RANBP2: variants seen among roughly 807,000 people sequenced by gnomAD.
The protein encoded by RANBP2 is E3 SUMO-protein ligase RanBP2.
A neutral mutation model predicts 303.6 loss-of-function variants in RANBP2; 57 were observed. That is an observed-to-expected ratio of 0.19 (90% CI 0.15 to 0.23). RANBP2 has a LOEUF of 0.23. RANBP2 is among the 10% of genes least tolerant of loss of function. RANBP2 has a pLI of 1.00. For missense variants in RANBP2, 3,138 were observed against 3,780.8 expected, an observed-to-expected ratio of 0.83 and a Z score of 4.46; for synonymous variants, 1,167 against 1,301.5, an observed-to-expected ratio of 0.90 and a Z score of 2.23.
the RANBP2 span, chr2:109,614,479 C>G: frequency 1.5e-4 from 178 of 1,224,740 alleles, no homozygotes; most frequent in Non-Finnish European, 1.1e-4. Context: ...GGGGGAGCAG[C>G]GCGGTCGAGG....
the RANBP2 span, chr2:109,615,513 T>C: frequency 6.2e-7 from 1 of 1,613,696 alleles, no homozygotes; most frequent in Non-Finnish European, 8.5e-7. Flanking sequence ...GAGCGGGGGT[T>C]ACACCGCCCT....
At chr2:109,036,133 T>A in the RANBP2 span, among the ~76,000 whole-genome samples, 1 of 152,210 alleles carries the variant, frequency 6.6e-6, no homozygotes, top group African/African-American at 2.4e-5. Flanking sequence ...AATGTGCTAA[T>A]GTCAAGAAAG....
chr2:109,141,807 G>A, the RANBP2 span, among the ~76,000 whole-genome samples: 1 of 152,052 alleles, frequency 6.6e-6, no homozygotes, highest in African/African-American at 2.4e-5. Flanking sequence ...TCAGGGTGAC[G>A]GTTGTGTCCA....
At chr2:109,424,934 G>A in the RANBP2 span, among the ~76,000 whole-genome samples, 1 of 152,216 alleles carries the variant, frequency 6.6e-6, no homozygotes, top group African/African-American at 2.4e-5. Flanking sequence ...AGGAAGTCAT[G>A]TCAAAAGCTG....
At chr2:109,345,502 CT>C in the RANBP2 span, among the ~76,000 whole-genome samples, 1 of 152,108 alleles carries the variant, frequency 6.6e-6, no homozygotes, top group African/African-American at 2.4e-5. Flanking sequence ...AAGCCTCACC[CT>C]TGTGGTTTGG....
At chr2:109,723,289 C>G in the RANBP2 span, among the ~76,000 whole-genome samples, 1 of 152,126 alleles carries the variant, frequency 6.6e-6, no homozygotes, top group Non-Finnish European at 1.5e-5. Context: ...GTGGCTGGGA[C>G]TACAGGTGTG....
chr2:109,659,757 G>C, the RANBP2 span, among the ~76,000 whole-genome samples: 8 of 152,246 alleles, frequency 5.3e-5, no homozygotes, highest in African/African-American at 1.9e-4. Context: ...CCCTGAATGA[G>C]AGTGCTGTCT....
the RANBP2 span, among the ~76,000 whole-genome samples, chr2:109,434,762 C>T: frequency 6.6e-6 from 1 of 152,242 alleles, no homozygotes; most frequent in Non-Finnish European, 1.5e-5. Context: ...CCTCACAGGC[C>T]AGTCCCTGGG....
chr2:109,435,774 T>A, the RANBP2 span, among the ~76,000 whole-genome samples: 2 of 152,346 alleles, frequency 1.3e-5, no homozygotes, highest in East Asian at 3.9e-4. Flanking sequence ...ATTTAGTTTT[T>A]AAAAATGATT....
At chr2:108,737,715 ATTT>A (rs34504601) in intron 6 of RANBP2, among the ~76,000 whole-genome samples, 1 of 129,172 alleles carries the variant, frequency 7.7e-6, no homozygotes, top group Non-Finnish European at 1.7e-5. Context: ...CACCTGGCTA[ATTT>A]TTTTTTTTTT....
At chr2:108,938,202 A>C in the RANBP2 span, among the ~76,000 whole-genome samples, 3 of 152,200 alleles carry the variant, frequency 2.0e-5, no homozygotes, top group African/African-American at 7.2e-5. Context: ...TATTTGACTC[A>C]ACTTTTTCCG....
the RANBP2 span, chr2:109,732,643 AT>A: frequency 6.6e-5 from 33 of 501,962 alleles, no homozygotes; most frequent in South Asian, 4.9e-4. Context: ...CACCTGGCTA[AT>A]TTTTATTAGA....
At chr2:109,204,662 G>T in the RANBP2 span, among the ~76,000 whole-genome samples, 11 of 152,312 alleles carry the variant, frequency 7.2e-5, 1 homozygote, top group South Asian at 2.1e-3. Flanking sequence ...GGGACCTGCT[G>T]GCAGGCAGGA....
intron 7 of RANBP2, among the ~76,000 whole-genome samples, chr2:108,746,391 T>TA (rs1696525208): frequency 6.6e-6 from 1 of 150,860 alleles, no homozygotes; most frequent in Non-Finnish European, 1.5e-5. Context: ...TTGTTTTTTT[T>TA]TTATTATTTT....
At chr2:109,297,524 T>G in the RANBP2 span, among the ~76,000 whole-genome samples, 2 of 150,196 alleles carry the variant, frequency 1.3e-5, no homozygotes, top group Non-Finnish European at 3.0e-5. Context: ...AGTCAGTGCC[T>G]CCCACCCAGG....
chr2:109,035,512 A>G, the RANBP2 span, among the ~76,000 whole-genome samples: 1 of 137,666 alleles, frequency 7.3e-6, no homozygotes, highest in South Asian at 2.7e-4. Flanking sequence ...ACCCTGGATG[A>G]GGCACTGCAG....
the RANBP2 span, among the ~76,000 whole-genome samples, chr2:109,522,384 T>C: frequency 1.3e-5 from 2 of 151,830 alleles, no homozygotes; most frequent in Non-Finnish European, 2.9e-5. Flanking sequence ...CTCTGCCTCC[T>C]GGGTTCAAGG....
At chr2:108,912,048 G>C in the RANBP2 span, among the ~76,000 whole-genome samples, 1 of 152,236 alleles carries the variant, frequency 6.6e-6, no homozygotes, top group Non-Finnish European at 1.5e-5. Flanking sequence ...CTCTGCGTTA[G>C]CGCGTGGGAG....
the RANBP2 span, among the ~76,000 whole-genome samples, chr2:109,468,630 G>A: frequency 6.6e-6 from 1 of 152,150 alleles, no homozygotes; most frequent in East Asian, 1.9e-4. Flanking sequence ...GAGGCAGGTG[G>A]ATCATTTGAG....
Sources: allele counts gnomAD v4.1 joint callset (sites outside exome capture counted in the v4.1 genomes callset), GRCh38; gene constraint gnomAD v4.1.1; transcripts MANE v1.5; gene names NCBI Gene and HGNC (gene_info 2026-07-23, HGNC 2026-07-21).